Variants in PTPRD observed in about 807,000 individuals in gnomAD.
PTPRD encodes the protein protein tyrosine phosphatase receptor type D, also known as receptor-type tyrosine-protein phosphatase delta.
Under a neutral mutation model 214.5 loss-of-function variants are expected in PTPRD, and 34 were observed. That is an observed-to-expected ratio of 0.16 (90% CI 0.12 to 0.21). PTPRD has a LOEUF of 0.21. Among genes scored for constraint, PTPRD ranks in the 10% least tolerant of loss-of-function variants. The pLI, the probability that PTPRD is intolerant of heterozygous loss-of-function variation, is 1.00. For synonymous variants in PTPRD, 1,128 were observed against 845.7 expected (o/e 1.33, Z -5.79); for missense variants, 2,545 against 2,398.7 (o/e 1.06, Z -1.27).
intron 11 of PTPRD, among the ~76,000 whole-genome samples, chr9:8,825,213 T>C (rs531491432): frequency 6.6e-6 from 1 of 152,326 alleles, no homozygotes; most frequent in African/African-American, 2.4e-5. Context: ...AAACCCTGTA[T>C]AGGGACTGTT....
At chr9:10,257,587 A>C (rs2093377034) in intron 3 of PTPRD, among the ~76,000 whole-genome samples, 1 of 152,188 alleles carries the variant, frequency 6.6e-6, no homozygotes, top group South Asian at 2.1e-4. Context: ...CCTAAATCAA[A>C]ATGATTTATA....
intron 14 of PTPRD, among the ~76,000 whole-genome samples, chr9:8,534,394 G>GT (rs1564135517): frequency 6.6e-6 from 1 of 151,868 alleles, no homozygotes; most frequent in African/African-American, 2.4e-5. Context: ...GAACCACTCA[G>GT]TTTTTTTGTT....
At chr9:9,852,754 C>G (rs1349544799) in intron 5 of PTPRD, among the ~76,000 whole-genome samples, 1 of 152,088 alleles carries the variant, frequency 6.6e-6, no homozygotes, top group African/African-American at 2.4e-5. Context: ...GGCAAGATTT[C>G]ATTTATTCTA....
chr9:10,004,600 GCTCT>G (rs1345128571), intron 4 of PTPRD, among the ~76,000 whole-genome samples: 2 of 151,608 alleles, frequency 1.3e-5, no homozygotes, highest in Non-Finnish European at 2.9e-5. Flanking sequence ...GTGCCATTTA[GCTCT>G]CTGATAAGTT....
At chr9:9,306,957 T>C (rs954720639) in intron 9 of PTPRD, among the ~76,000 whole-genome samples, 1 of 152,180 alleles carries the variant, frequency 6.6e-6, no homozygotes, top group African/African-American at 2.4e-5. Flanking sequence ...CAAATCTTAT[T>C]TGACAAATTC....
chr9:9,381,945 T>C (rs1011741599), intron 9 of PTPRD, among the ~76,000 whole-genome samples: 2 of 151,926 alleles, frequency 1.3e-5, no homozygotes, highest in African/African-American at 2.4e-5. Context: ...GTGGATAACA[T>C]TGAATGTATA....
intron 2 of PTPRD, among the ~76,000 whole-genome samples, chr9:10,527,058 G>C (rs2054516540): frequency 6.6e-6 from 1 of 152,056 alleles, no homozygotes; most frequent in Admixed American, 6.6e-5. Context: ...ATTTACTTAA[G>C]ATAGCTCTCA....
At chr9:9,906,585 TA>T (rs2077627922) in intron 5 of PTPRD, among the ~76,000 whole-genome samples, 1 of 152,006 alleles carries the variant, frequency 6.6e-6, no homozygotes, top group Admixed American at 6.6e-5. Context: ...ATGACACATT[TA>T]TTTAAGTCAT....
intron 9 of PTPRD, among the ~76,000 whole-genome samples, chr9:9,226,210 T>C (rs2099959372): frequency 1.3e-5 from 2 of 151,782 alleles, no homozygotes; most frequent in Non-Finnish European, 2.9e-5. Context: ...GAATCAAAGA[T>C]GCCTTCAGGG....
At chr9:10,590,818 T>G (rs1387462655) in intron 2 of PTPRD, among the ~76,000 whole-genome samples, 1 of 151,758 alleles carries the variant, frequency 6.6e-6, no homozygotes, top group East Asian at 1.9e-4. Context: ...TTATTTCTAG[T>G]AGAAAACTAC....
At chr9:9,811,846 G>A (rs1473032891) in intron 5 of PTPRD, among the ~76,000 whole-genome samples, 9 of 152,180 alleles carry the variant, frequency 5.9e-5, no homozygotes, top group Non-Finnish European at 8.8e-5. Context: ...TGAGGGGATT[G>A]ACTCTAATTG....
chr9:8,331,301 G>T (rs549369771), intron 44 of PTPRD, among the ~76,000 whole-genome samples: 2 of 152,212 alleles, frequency 1.3e-5, no homozygotes, highest in Admixed American at 6.5e-5. Context: ...ACTAGGGGAG[G>T]TACCAACAAT....
At chr9:9,295,680 T>G (rs1439046773) in intron 9 of PTPRD, among the ~76,000 whole-genome samples, 1 of 151,816 alleles carries the variant, frequency 6.6e-6, no homozygotes. Context: ...CAGATGGTAG[T>G]ATGTGTCATG....
At chr9:10,489,472 C>G (rs1238848403) in intron 2 of PTPRD, among the ~76,000 whole-genome samples, 1 of 152,132 alleles carries the variant, frequency 6.6e-6, no homozygotes, top group Non-Finnish European at 1.5e-5. Flanking sequence ...TAACTAGTGT[C>G]TCAGTATGGC....
chr9:9,444,342 A>AT (rs1423080935), intron 8 of PTPRD, among the ~76,000 whole-genome samples: 2 of 152,154 alleles, frequency 1.3e-5, no homozygotes, highest in South Asian at 2.1e-4. Flanking sequence ...TTTGATATCT[A>AT]TTTTTTGTGA....
chr9:9,280,868 G>C (rs1411031599), intron 9 of PTPRD, among the ~76,000 whole-genome samples: 1 of 151,134 alleles, frequency 6.6e-6, no homozygotes, highest in Non-Finnish European at 1.5e-5. Context: ...CCGACTTCGA[G>C]ACTTCCTATA....
intron 2 of PTPRD, among the ~76,000 whole-genome samples, chr9:10,496,270 C>T (rs760592343): frequency 6.6e-6 from 1 of 151,784 alleles, no homozygotes; most frequent in South Asian, 2.1e-4. Flanking sequence ...AAGACAAAAA[C>T]ACATTTAAGT....
chr9:9,293,689 T>C (rs1294437955), intron 9 of PTPRD, among the ~76,000 whole-genome samples: 3 of 151,546 alleles, frequency 2.0e-5, no homozygotes, highest in Non-Finnish European at 3.0e-5. Flanking sequence ...TGGATGTGAA[T>C]CTCAAATAGT....
At chr9:8,548,459 C>A (rs564818804) in intron 14 of PTPRD, among the ~76,000 whole-genome samples, 1 of 152,154 alleles carries the variant, frequency 6.6e-6, no homozygotes, top group Non-Finnish European at 1.5e-5. Flanking sequence ...CCTCACCCTC[C>A]CAGGTTCAAG....
Sources: allele counts gnomAD v4.1 joint callset (sites outside exome capture counted in the v4.1 genomes callset), GRCh38; gene constraint gnomAD v4.1.1; transcripts MANE v1.5; gene names NCBI Gene and HGNC (gene_info 2026-07-23, HGNC 2026-07-21).